Variants in NALF1 observed in about 807,000 individuals in gnomAD.
The protein encoded by NALF1 is family with sequence similarity 155 member A.
NALF1 carries 3 observed loss-of-function variants against 48.4 expected under a neutral mutation model. That is an observed-to-expected ratio of 0.06 (90% CI 0.03 to 0.16). NALF1 has a LOEUF of 0.16. Ranked by LOEUF, NALF1 falls within the 10% of genes least tolerant of loss-of-function variation. NALF1 has a pLI of 1.00. For missense variants in NALF1, 526 were observed against 571.5 expected (o/e 0.92, Z 0.81); for synonymous variants, 262 against 245.7 (o/e 1.07, Z -0.62).
intron 1 of NALF1, among the ~76,000 whole-genome samples, chr13:107,583,387 T>C (rs1172958173): frequency 6.6e-6 from 1 of 152,204 alleles, no homozygotes; most frequent in Non-Finnish European, 1.5e-5. Flanking sequence ...GATATTTTTG[T>C]TCAGATCACT....
chr13:107,387,508 T>A (rs1420425497), intron 1 of NALF1, among the ~76,000 whole-genome samples: 1 of 152,186 alleles, frequency 6.6e-6, no homozygotes, highest in Admixed American at 6.5e-5. Flanking sequence ...ATTGAAAGCA[T>A]GCTGCTAGAT....
At chr13:107,197,916 G>C (rs956404084) in intron 2 of NALF1, among the ~76,000 whole-genome samples, 16 of 152,188 alleles carry the variant, frequency 1.1e-4, no homozygotes, top group African/African-American at 3.9e-4. Context: ...GATTAAGGCT[G>C]AGAATTTGAA....
intron 2 of NALF1, among the ~76,000 whole-genome samples, chr13:107,193,206 G>C (rs1363641927): frequency 2.6e-5 from 4 of 152,054 alleles, no homozygotes; most frequent in Non-Finnish European, 5.9e-5. Context: ...ATTAAGCATA[G>C]ATGTTTCAGT....
chr13:107,639,595 C>A (rs562504199), intron 1 of NALF1, among the ~76,000 whole-genome samples: 126 of 140,204 alleles, frequency 9.0e-4, no homozygotes, highest in African/African-American at 2.9e-3. Flanking sequence ...GTGCATAGCC[C>A]CATACCACTG....
intron 1 of NALF1, among the ~76,000 whole-genome samples, chr13:107,626,548 G>C (rs1365871306): frequency 2.6e-5 from 4 of 152,074 alleles, no homozygotes; most frequent in African/African-American, 9.7e-5. Context: ...TGGATGATGA[G>C]AATGTGTAAA....
chr13:107,194,055 TCTATATATC>T (rs2138787246), intron 2 of NALF1, among the ~76,000 whole-genome samples: 2 of 82,168 alleles, frequency 2.4e-5, no homozygotes, highest in South Asian at 6.1e-4. Context: ...TATCTATCTA[TCTATATATC>T]AATCTATCGT....
chr13:107,548,284 C>T (rs1566388210), intron 1 of NALF1, among the ~76,000 whole-genome samples: 1 of 152,056 alleles, frequency 6.6e-6, no homozygotes, highest in Non-Finnish European at 1.5e-5. Flanking sequence ...TATCCATGCT[C>T]CCACAAAAGG....
At chr13:107,296,468 G>A (rs2138887859) in intron 1 of NALF1, among the ~76,000 whole-genome samples, 1 of 152,256 alleles carries the variant, frequency 6.6e-6, no homozygotes, top group African/African-American at 2.4e-5. Context: ...CCTGAAAGAT[G>A]AGTGGAGTGA....
chr13:107,208,344 T>C (rs1322144034), intron 2 of NALF1, among the ~76,000 whole-genome samples: 1 of 152,194 alleles, frequency 6.6e-6, no homozygotes, highest in Non-Finnish European at 1.5e-5. Context: ...GCTATGTCTA[T>C]GAAGAAGCTG....
In NALF1 at chr13:107,182,369, C is replaced by A. The variant is rs188684473; in HGVS notation, c.1088-11583G>T. The stretch of plus-strand genomic sequence containing the variant: ...CACACTGCAGCCTTTAGCTTCCAGG[C>A]CCAAGTGATCCTCCTGCCTCAGCCT... On this transcript the variant is annotated intron_variant, in intron 2 of 2. Coordinates refer to ENST00000375915, the MANE Select transcript of NALF1 (RefSeq NM_001080396.3). Among the ~76,000 whole-genome samples the A allele has an allele frequency of 8.6e-5, 13 of 151,980 alleles. No homozygotes were observed. In the East Asian group the frequency reaches 2.5e-3, roughly 29 times the overall value.
At chr13:107,274,936 A>C (rs1433437389) in intron 1 of NALF1, among the ~76,000 whole-genome samples, 3 of 152,192 alleles carry the variant, frequency 2.0e-5, no homozygotes, top group Non-Finnish European at 4.4e-5. Context: ...AAGAATTGGC[A>C]CAATACTACT....
intron 1 of NALF1, among the ~76,000 whole-genome samples, chr13:107,706,636 A>G (rs1357670665): frequency 6.6e-6 from 1 of 152,034 alleles, no homozygotes; most frequent in Non-Finnish European, 1.5e-5. Context: ...TGTCGCTCAG[A>G]GAAATAAAAG....
intron 1 of NALF1, among the ~76,000 whole-genome samples, chr13:107,227,054 C>T (rs1215398712): frequency 6.6e-6 from 1 of 152,172 alleles, no homozygotes; most frequent in African/African-American, 2.4e-5. Flanking sequence ...TTTGACAAAA[C>T]AGAAGAAAAG....
chr13:107,526,485 T>G (rs1190835986), intron 1 of NALF1, among the ~76,000 whole-genome samples: 1 of 151,692 alleles, frequency 6.6e-6, no homozygotes, highest in African/African-American at 2.4e-5. Flanking sequence ...TAATATGTAT[T>G]ATTCATCTCA....
chr13:107,221,356 G>T (rs9555330), intron 1 of NALF1, among the ~76,000 whole-genome samples: 66,316 of 151,928 alleles, frequency 0.44, 14,642 homozygotes, highest in Middle Eastern at 0.59. Flanking sequence ...GGTGGGTGGA[G>T]CACCTGAGCT....
intron 1 of NALF1, among the ~76,000 whole-genome samples, chr13:107,567,599 C>T (rs1877853379): frequency 6.6e-6 from 1 of 152,138 alleles, no homozygotes; most frequent in Non-Finnish European, 1.5e-5. Flanking sequence ...TGTCTAATAC[C>T]CCTAGAACTT....
chr13:107,185,542 A>G (rs1879154210), intron 2 of NALF1, among the ~76,000 whole-genome samples: 1 of 151,940 alleles, frequency 6.6e-6, no homozygotes, highest in Non-Finnish European at 1.5e-5. Context: ...TACATTTCAT[A>G]TTAGAGATGA....
intron 1 of NALF1, among the ~76,000 whole-genome samples, chr13:107,268,372 G>C (rs1253583169): frequency 1.3e-5 from 2 of 152,030 alleles, no homozygotes; most frequent in Non-Finnish European, 2.9e-5. Flanking sequence ...CCACAGATGA[G>C]GGGGGACTAC....
intron 1 of NALF1, among the ~76,000 whole-genome samples, chr13:107,656,660 A>G (rs1880584339): frequency 6.6e-6 from 1 of 152,178 alleles, no homozygotes; most frequent in South Asian, 2.1e-4. Context: ...ACTACTGGGT[A>G]TCTACCTAGA....
Sources: allele counts gnomAD v4.1 joint callset (sites outside exome capture counted in the v4.1 genomes callset), GRCh38; gene constraint gnomAD v4.1.1; transcripts MANE v1.5; gene names NCBI Gene and HGNC (gene_info 2026-07-23, HGNC 2026-07-21).